The following CRPPA variants were observed in gnomAD, a reference collection of about 807,000 sequenced individuals.
CRPPA encodes the protein CDP-L-ribitol pyrophosphorylase A.
A neutral mutation model predicts 52.0 loss-of-function variants in CRPPA; 43 were observed. The observed-to-expected ratio is 0.83, with a 90% CI of 0.65 to 1.07. CRPPA has a LOEUF of 1.07. CRPPA is among the 50% of genes least tolerant of loss of function. The pLI, the probability that CRPPA is intolerant of heterozygous loss-of-function variation, is 0.00. For missense variants in CRPPA, 629 were observed against 551.7 expected, an observed-to-expected ratio of 1.14 and a Z score of -1.40; for synonymous variants, 250 against 203.5, an observed-to-expected ratio of 1.23 and a Z score of -1.94.
intron 9 of CRPPA, among the ~76,000 whole-genome samples, chr7:16,212,347 T>TG (rs1003062557): frequency 2.6e-5 from 4 of 152,150 alleles, no homozygotes; most frequent in African/African-American, 9.7e-5. Flanking sequence ...GACAGTTTAG[T>TG]GGGGAAGAAA....
chr7:16,122,423 CAATT>C (rs1478164464), intron 9 of CRPPA, among the ~76,000 whole-genome samples: 1 of 151,796 alleles, frequency 6.6e-6, no homozygotes, highest in Non-Finnish European at 1.5e-5. Flanking sequence ...AAGAAAAAAA[CAATT>C]GATAATCTTT....
intron 3 of CRPPA, among the ~76,000 whole-genome samples, chr7:16,356,502 G>GATGT (rs778816280): frequency 1.4e-4 from 22 of 152,192 alleles, no homozygotes; most frequent in Non-Finnish European, 2.8e-4. Flanking sequence ...AAGCAGTGAT[G>GATGT]ATGTCTGTCT....
intron 9 of CRPPA, among the ~76,000 whole-genome samples, chr7:16,160,956 CTCTATTTG>C (rs1466868077): frequency 4.6e-5 from 7 of 152,100 alleles, no homozygotes; most frequent in Non-Finnish European, 1.0e-4. Flanking sequence ...TGTTTTGGCT[CTCTATTTG>C]TCTATTGTTG....
chr7:16,328,511 G>C (rs929922363), intron 3 of CRPPA, among the ~76,000 whole-genome samples: 1 of 151,954 alleles, frequency 6.6e-6, no homozygotes, highest in South Asian at 2.1e-4. Context: ...TTTTTGGGGG[G>C]TTTGTTTTGT....
chr7:16,259,073 T>A, intron 6 of CRPPA, 61 bp from the exon 7 acceptor site: 1 of 1,196,172 alleles, frequency 8.4e-7, no homozygotes, highest in Non-Finnish European at 1.2e-6. Flanking sequence ...AACATCTTTG[T>A]TACAAAGGAA....
intron 4 of CRPPA, among the ~76,000 whole-genome samples, chr7:16,303,515 C>T (rs554652308): frequency 1.2e-5 from 1 of 83,500 alleles, no homozygotes; most frequent in African/African-American, 5.7e-5. Flanking sequence ...TTTCAGAACA[C>T]AGCCAGTTGG....
intron 9 of CRPPA, among the ~76,000 whole-genome samples, chr7:16,106,133 A>G (rs1004341391): frequency 6.6e-6 from 1 of 152,124 alleles, no homozygotes; most frequent in Non-Finnish European, 1.5e-5. Context: ...CCAGCCTAAA[A>G]GCCCACCCAA....
chr7:16,216,801 G>T (rs907741603), intron 8 of CRPPA, among the ~76,000 whole-genome samples: 2 of 152,196 alleles, frequency 1.3e-5, no homozygotes, highest in African/African-American at 4.8e-5. Context: ...CGCCCACGGA[G>T]TCTCACTGAT....
At chr7:16,405,699 C>T (rs1402354772) in intron 2 of CRPPA, among the ~76,000 whole-genome samples, 4 of 152,140 alleles carry the variant, frequency 2.6e-5, no homozygotes, top group Non-Finnish European at 5.9e-5. Flanking sequence ...GAAACTAACA[C>T]AAAATTGAGT....
At chr7:16,109,566 A>G (rs981751164) in intron 9 of CRPPA, among the ~76,000 whole-genome samples, 1 of 152,030 alleles carries the variant, frequency 6.6e-6, no homozygotes, top group Non-Finnish European at 1.5e-5. Context: ...TTTCAGGAAC[A>G]TAGATGCCAA....
chr7:16,395,161 G>A (rs1403055237), intron 2 of CRPPA, among the ~76,000 whole-genome samples: 1 of 152,140 alleles, frequency 6.6e-6, no homozygotes, highest in East Asian at 1.9e-4. Flanking sequence ...GCCCTGAATG[G>A]AAGCTTAAGG....
At chr7:16,180,759 T>C (rs1781396168) in intron 9 of CRPPA, among the ~76,000 whole-genome samples, 1 of 152,072 alleles carries the variant, frequency 6.6e-6, no homozygotes, top group African/African-American at 2.4e-5. Context: ...AAGAAGTCCT[T>C]TATAAAATAT....
chr7:16,286,085 TTTAAAAAAAAAA>T (rs1332911867), intron 5 of CRPPA, among the ~76,000 whole-genome samples: 1,406 of 15,498 alleles, frequency 0.091, 201 homozygotes, highest in African/African-American at 0.21. Context: ...ATATATAATA[TTTAAAAAAAAAA>T]ATATATATAT....
chr7:16,176,827 A>G (rs1260114831), intron 9 of CRPPA, among the ~76,000 whole-genome samples: 2 of 152,152 alleles, frequency 1.3e-5, no homozygotes, highest in Non-Finnish European at 2.9e-5. Context: ...AAATGGAAAC[A>G]TATGATCATA....
chr7:16,347,582 C>T (rs1328876019), intron 3 of CRPPA, among the ~76,000 whole-genome samples: 1 of 152,056 alleles, frequency 6.6e-6, no homozygotes, highest in African/African-American at 2.4e-5. Flanking sequence ...ACAGGAGGCT[C>T]CAGATTCCCC....
rs1787805856 is a variant in CRPPA at position 16,401,065 on chromosome 7, C to CTGCTTGAACTCA, written c.534+4984_534+4995dup. 3.3e-5 allele frequency among the ~76,000 whole-genome samples: 5 copies of CTGCTTGAACTCA among 152,290 alleles called. No homozygotes were observed. In the South Asian group the frequency reaches 1.0e-3, roughly 32 times the overall value. ...CATGACTAATTCAATCACTGGCCACCTGCTTGAACTCAATCTTCAGCCCCT... is the reference window on the plus strand; with the variant it reads ...CATGACTAATTCAATCACTGGCCACCTGCTTGAACTCATGCTTGAACTCAATCTTCAGCCCCT... On this transcript the variant is annotated intron_variant, in intron 2 of 9. Coordinates refer to ENST00000407010, the MANE Select transcript of CRPPA (RefSeq NM_001101426.4).
At chr7:16,179,542 T>C (rs1781370311) in intron 9 of CRPPA, among the ~76,000 whole-genome samples, 1 of 152,036 alleles carries the variant, frequency 6.6e-6, no homozygotes, top group East Asian at 1.9e-4. Context: ...AGTCTTGTGC[T>C]TTGCAGAGAA....
chr7:16,403,585 T>G (rs944124239), intron 2 of CRPPA, among the ~76,000 whole-genome samples: 4 of 152,078 alleles, frequency 2.6e-5, no homozygotes, highest in Admixed American at 1.3e-4. Context: ...TGTAGAAAAC[T>G]ATCTAAGACA....
chr7:16,170,454 C>T (rs553745460), intron 9 of CRPPA, among the ~76,000 whole-genome samples: 45 of 152,274 alleles, frequency 3.0e-4, no homozygotes, highest in African/African-American at 1.0e-3. Context: ...TTTGTGGTCT[C>T]GCTGACTTCA....
Sources: gnomAD v4.1 joint callset for allele counts (sites outside exome capture counted in the v4.1 genomes callset) on GRCh38, gnomAD v4.1.1 for gene constraint, MANE v1.5 for transcripts, NCBI Gene and HGNC (gene_info 2026-07-23, HGNC 2026-07-21) for gene names.